RAB11FIP4: variants seen among roughly 807,000 people sequenced by gnomAD.
RAB11FIP4 encodes rab11 family-interacting protein 4.
RAB11FIP4 carries 23 observed loss-of-function variants against 74.3 expected under a neutral mutation model. That is an observed-to-expected ratio of 0.31 (90% CI 0.22 to 0.44). The LOEUF (loss-of-function observed/expected upper bound fraction) is 0.44. Ranked by LOEUF, RAB11FIP4 falls within the 20% of genes least tolerant of loss-of-function variation. The probability of loss-of-function intolerance (pLI) is 1.00; values close to 1 mark genes in which losing one functional copy is unlikely to be tolerated. For missense variants in RAB11FIP4, 630 were observed against 863.9 expected, an observed-to-expected ratio of 0.73 and a Z score of 3.39; for synonymous variants, 360 against 359.9, an observed-to-expected ratio of 1.00 and a Z score of 0.00.
At position 31,521,168 on chromosome 17, in the gene RAB11FIP4, C is replaced by A; in HGVS notation, c.566C>A (p.Ser189Tyr). Residue 189 changes from serine to tyrosine, a missense_variant and splice_region_variant, in exon 5 of 15, where the codon TCC becomes TAC. Ser to Tyr is a moderately radical substitution (Grantham distance 144). Coordinates refer to ENST00000621161, the MANE Select transcript of RAB11FIP4 (RefSeq NM_032932.6). The part of the protein sequence containing the change: ...LGGLFLPEDK[S>Y]LVHTPSMTTS... ...CTTGGGTGCTCTCGGACCCTCAGGT[C>A]CCTGGTCCACACTCCATCCATGACG... is the stretch of plus-strand genomic sequence containing the variant. 6.4e-7 allele frequency: 1 copy of A among 1,573,858 alleles called. No individual in the cohort carries two copies. The highest frequency in any genetic ancestry group is 1.2e-5 in the South Asian group (1 of 86,214).
At chr17:31,412,302 C>T (rs747372259) in intron 1 of RAB11FIP4, among the ~76,000 whole-genome samples, 1 of 152,188 alleles carries the variant, frequency 6.6e-6, no homozygotes, top group African/African-American at 2.4e-5. Context: ...GGGTCCCACC[C>T]GTGTCCAGCA....
intron 1 of RAB11FIP4, among the ~76,000 whole-genome samples, chr17:31,417,548 A>G (rs1688520935): frequency 6.6e-6 from 1 of 152,198 alleles, no homozygotes; most frequent in Admixed American, 6.5e-5. Flanking sequence ...TTTTGTGGAT[A>G]TAGACGATGT....
At chr17:31,452,666 C>T (rs74781210) in intron 3 of RAB11FIP4, among the ~76,000 whole-genome samples, 4,802 of 152,206 alleles carry the variant, frequency 0.032, 252 homozygotes, top group African/African-American at 0.1. Flanking sequence ...AGAGGGGTCC[C>T]TTCATTGCCT....
At chr17:31,409,430 C>G (rs2151618618) in intron 1 of RAB11FIP4, among the ~76,000 whole-genome samples, 1 of 152,236 alleles carries the variant, frequency 6.6e-6, no homozygotes. Context: ...ATGGATGAGT[C>G]TCCACTTGGC....
At chr17:31,517,522 T>C (rs1281164582) in intron 3 of RAB11FIP4, 129 bp from the exon 4 acceptor site, 1 of 807,898 alleles carries the variant, frequency 1.2e-6, no homozygotes, top group African/African-American at 1.7e-5. Flanking sequence ...ACGCTTAGGG[T>C]TCGGGATCTG....
chr17:31,421,058 T>TA lies in RAB11FIP4; in HGVS notation c.160-10754dup, dbSNP rs367747008. ...GAGATCACGCCATTGCACTCCAGCC[T>TA]AGGCAACAAGAGCAAAACTCCATCT... On this transcript the variant is annotated intron_variant, in intron 1 of 14. Transcript: ENST00000621161. Among the ~76,000 whole-genome samples the TA allele has an allele frequency of 2.7e-3, 405 of 152,268 alleles. 3 individuals carry two copies. Among genetic ancestry groups the TA allele is most frequent in the African/African-American group, 9.4e-3 (390 of 41,556 alleles).
rs570881722 is a variant in RAB11FIP4 at position 31,522,569 on chromosome 17, A to G, written c.929+174A>G. ...CAGGGCAGCGTCACTTCTGAAAAAG[A>G]GGGGCCAGCTCCTCCCTGCTCTCTC... On this transcript the variant is annotated intron_variant, in intron 7 of 14. Transcript: ENST00000621161. The G allele has an allele frequency of 1.3e-4, 78 of 617,500 alleles. No homozygotes were observed. The South Asian group carries it at 1.4e-3, about 11-fold the overall frequency. The allele number at this position is 617,500 out of a possible 1,614,324, so 38.3% of individuals were successfully genotyped here.
chr17:31,454,421 G>A (rs2071558766), intron 3 of RAB11FIP4, among the ~76,000 whole-genome samples: 1 of 152,004 alleles, frequency 6.6e-6, no homozygotes, highest in African/African-American at 2.4e-5. Context: ...CTACAGGTAT[G>A]TGCCACCACG....
intron 1 of RAB11FIP4, among the ~76,000 whole-genome samples, chr17:31,399,151 C>G (rs991885588): frequency 1.3e-5 from 2 of 152,108 alleles, no homozygotes; most frequent in Admixed American, 6.5e-5. Flanking sequence ...AGCAGTCATC[C>G]CCACCCCAGC....
intron 3 of RAB11FIP4, among the ~76,000 whole-genome samples, chr17:31,504,459 G>T (rs922343861): frequency 2.6e-5 from 4 of 151,932 alleles, no homozygotes; most frequent in African/African-American, 9.7e-5. Flanking sequence ...GTAGAGACAG[G>T]GTTTCGCCAT....
chr17:31,433,143 C>T (rs999479258), intron 2 of RAB11FIP4, among the ~76,000 whole-genome samples: 4 of 152,132 alleles, frequency 2.6e-5, no homozygotes, highest in Non-Finnish European at 4.4e-5. Context: ...AAGAACCTGT[C>T]TCAAGAAAGA....
chr17:31,469,209 GC>G (rs1195492634), intron 3 of RAB11FIP4, among the ~76,000 whole-genome samples: 6 of 152,180 alleles, frequency 3.9e-5, no homozygotes, highest in African/African-American at 1.4e-4. Flanking sequence ...TTCACGATGG[GC>G]CAGGGGCTGT....
rs140132363 is a variant in RAB11FIP4 at position 31,498,221 on chromosome 17, C to G, written c.337-19430C>G. 4.0e-3 allele frequency among the ~76,000 whole-genome samples: 615 copies of G among 152,282 alleles called. 3 individuals are homozygous for G. The highest frequency in any genetic ancestry group is 0.014 in the African/African-American group (570 of 41,556). On this transcript the variant is annotated intron_variant, in intron 3 of 14. Coordinates refer to ENST00000621161, the MANE Select transcript of RAB11FIP4 (RefSeq NM_032932.6). ...GCCCCTAATGCCCTCTCACCTGTCCCCACTGCGAGAAAGCCTGCCCTGGCC... is the reference window on the plus strand; with the variant it reads ...GCCCCTAATGCCCTCTCACCTGTCCGCACTGCGAGAAAGCCTGCCCTGGCC...
At position 31,503,479 on chromosome 17, in the gene RAB11FIP4, G is replaced by C. The variant is rs896057007; in HGVS notation, c.337-14172G>C. On this transcript the variant is annotated intron_variant, in intron 3 of 14. Coordinates refer to ENST00000621161, the MANE Select transcript of RAB11FIP4 (RefSeq NM_032932.6). ...CTTGGGAACCTCCTTCAAGGGAAGG[G>C]GGAAGAGGAAGAGGAGGGTGGGCAA... Among the ~76,000 whole-genome samples, 18 of 149,918 alleles carry C rather than the reference G, an allele frequency of 1.2e-4. 3 individuals are homozygous for C. Among genetic ancestry groups the C allele is most frequent in the African/African-American group, 4.6e-4 (18 of 39,222 alleles).
chr17:31,408,968 C>T (rs2071067462), intron 1 of RAB11FIP4, among the ~76,000 whole-genome samples: 1 of 152,216 alleles, frequency 6.6e-6, no homozygotes, highest in Admixed American at 6.5e-5. Flanking sequence ...AGCCTCATGG[C>T]AGAAAAACCA....
At chr17:31,436,238 G>C (rs904812965) in intron 3 of RAB11FIP4, among the ~76,000 whole-genome samples, 2 of 152,174 alleles carry the variant, frequency 1.3e-5, no homozygotes, top group Admixed American at 6.5e-5. Context: ...CAATCTGGAG[G>C]GTCTGTTGTG....
At position 31,530,262 on chromosome 17, in the gene RAB11FIP4, G is replaced by A. The variant is rs771014263; in HGVS notation, c.1654-64G>A. 9 of 1,589,746 alleles carry A rather than the reference G, an allele frequency of 5.7e-6. No individual in the cohort carries two copies. The East Asian group carries it at 2.0e-4, about 36-fold the overall frequency. Reference sequence around the variant, plus strand: ...GGTCGGGGACGGTGGATGTGGAGAAGTGGGTTCCAGTGGGCTGTGGATGCC... The same window carrying A: ...GGTCGGGGACGGTGGATGTGGAGAAATGGGTTCCAGTGGGCTGTGGATGCC... On this transcript the variant is annotated intron_variant, in intron 13 of 14. Coordinates refer to ENST00000621161, the MANE Select transcript of RAB11FIP4 (RefSeq NM_032932.6).
intron 3 of RAB11FIP4, among the ~76,000 whole-genome samples, chr17:31,453,792 C>CAAAAAAAAAAAAA (rs555119408): frequency 1.6e-5 from 1 of 62,594 alleles, no homozygotes; most frequent in Non-Finnish European, 3.4e-5. Context: ...AGACTCGTCT[C>CAAAAAAAAAAAAA]AAAAAAAAAA....
intron 3 of RAB11FIP4, among the ~76,000 whole-genome samples, chr17:31,439,931 C>A (rs1330444287): frequency 6.6e-6 from 1 of 152,192 alleles, no homozygotes; most frequent in Admixed American, 6.5e-5. Context: ...GCCACAGCAA[C>A]AGGTTGAAAT....
Sources: allele counts gnomAD v4.1 joint callset (sites outside exome capture counted in the v4.1 genomes callset), GRCh38; gene constraint gnomAD v4.1.1; transcripts MANE v1.5; gene names NCBI Gene and HGNC (gene_info 2026-07-23, HGNC 2026-07-21).